Variants in AGBL1 observed in about 807,000 individuals in gnomAD.
AGBL1 encodes AGBL carboxypeptidase 1.
Under a neutral mutation model 118.9 loss-of-function variants are expected in AGBL1, and 130 were observed. The observed-to-expected ratio is 1.09, with a 90% CI of 0.95 to 1.26. The LOEUF is 1.26. Among genes scored for constraint, AGBL1 ranks in the 50% most tolerant of loss-of-function variants. The pLI, the probability that AGBL1 is intolerant of heterozygous loss-of-function variation, is 0.00. For missense variants in AGBL1, 1,584 were observed against 1,298.1 expected, an observed-to-expected ratio of 1.22 and a Z score of -3.38; for synonymous variants, 555 against 478.9, an observed-to-expected ratio of 1.16 and a Z score of -2.08.
intron 13 of AGBL1, among the ~76,000 whole-genome samples, chr15:86,268,082 T>C (rs2079101685): frequency 6.6e-6 from 1 of 152,242 alleles, no homozygotes; most frequent in East Asian, 1.9e-4. Context: ...CAGCACTTAG[T>C]CAACATCCGT....
At chr15:86,735,776 A>G (rs1191524224) in intron 22 of AGBL1, among the ~76,000 whole-genome samples, 1 of 152,150 alleles carries the variant, frequency 6.6e-6, no homozygotes, top group African/African-American at 2.4e-5. Flanking sequence ...CAAGTGTGCT[A>G]TATTTTAAAA....
chr15:86,324,450 TG>T (rs569879200), intron 17 of AGBL1, among the ~76,000 whole-genome samples: 138 of 152,338 alleles, frequency 9.1e-4, no homozygotes, highest in Non-Finnish European at 1.5e-3. Flanking sequence ...GAAGGTCCAC[TG>T]ATGTGAGGCA....
intron 22 of AGBL1, among the ~76,000 whole-genome samples, chr15:86,765,667 T>G (rs890829761): frequency 1.3e-5 from 2 of 151,996 alleles, no homozygotes; most frequent in Non-Finnish European, 2.9e-5. Flanking sequence ...TGTTGAAGTA[T>G]CTTGAGGTGA....
intron 6 of AGBL1, among the ~76,000 whole-genome samples, chr15:86,239,427 C>T (rs905137408): frequency 6.6e-6 from 1 of 152,096 alleles, no homozygotes; most frequent in Non-Finnish European, 1.5e-5. Flanking sequence ...TGCTTTTGTA[C>T]ATATCCTTAT....
intron 24 of AGBL1, among the ~76,000 whole-genome samples, chr15:86,991,548 A>G (rs1217897882): frequency 1.3e-5 from 2 of 152,208 alleles, no homozygotes; most frequent in African/African-American, 4.8e-5. Context: ...GACAAAATCC[A>G]TAAGGATGAT....
chr15:86,577,535 C>A (rs1484201787), intron 21 of AGBL1, among the ~76,000 whole-genome samples: 1 of 152,098 alleles, frequency 6.6e-6, no homozygotes, highest in Non-Finnish European at 1.5e-5. Flanking sequence ...TAACAAGGAA[C>A]CAAATGTTAA....
chr15:86,420,721 G>A (rs768198348), intron 18 of AGBL1, among the ~76,000 whole-genome samples: 1 of 152,154 alleles, frequency 6.6e-6, no homozygotes, highest in African/African-American at 2.4e-5. Flanking sequence ...CTTGAAAAAA[G>A]TTAGAGGAAT....
chr15:86,665,360 T>TG (rs10526715), intron 21 of AGBL1, among the ~76,000 whole-genome samples: 135,330 of 152,152 alleles, frequency 0.89, 60,367 homozygotes, highest in East Asian at 1. Context: ...AAGACTGCAG[T>TG]CTATCATTTT....
chr15:86,917,053 A>G (rs902543965), downstream of AGBL1, among the ~76,000 whole-genome samples: 2 of 152,238 alleles, frequency 1.3e-5, no homozygotes, highest in Non-Finnish European at 2.9e-5. The surrounding 1 kb of genome is among the most constrained non-coding windows in gnomAD (Gnocchi z 4.8). Flanking sequence ...GGGGTGGGGC[A>G]GGGAAGAATC....
intron 23 of AGBL1, among the ~76,000 whole-genome samples, chr15:86,985,795 T>C (rs896004786): frequency 2.6e-5 from 4 of 152,264 alleles, no homozygotes; most frequent in Admixed American, 2.6e-4. Flanking sequence ...ATCTAAACTG[T>C]ATTTCCATAT....
intron 21 of AGBL1, among the ~76,000 whole-genome samples, chr15:86,608,845 C>T (rs1017193094): frequency 2.0e-5 from 3 of 151,978 alleles, no homozygotes; most frequent in African/African-American, 7.2e-5. Context: ...GAGTTTGGAC[C>T]CTGTGAGCAT....
chr15:86,778,738 C>A (rs556181216), intron 22 of AGBL1, among the ~76,000 whole-genome samples: 5 of 152,240 alleles, frequency 3.3e-5, no homozygotes, highest in East Asian at 3.9e-4. Context: ...ACAATTTGTG[C>A]AGTTAACACA....
At chr15:86,820,786 T>G (rs1291038298) in intron 22 of AGBL1, among the ~76,000 whole-genome samples, 11 of 152,108 alleles carry the variant, frequency 7.2e-5, no homozygotes, top group Admixed American at 6.6e-4. Flanking sequence ...TCCTCAAGGA[T>G]CTAGAATCAG....
intron 22 of AGBL1, among the ~76,000 whole-genome samples, chr15:86,888,298 A>G (rs1286350298): frequency 6.6e-6 from 1 of 152,010 alleles, no homozygotes; most frequent in Non-Finnish European, 1.5e-5. Context: ...GGGCTACCTC[A>G]TAGAAAGAGA....
chr15:86,789,652 G>A (rs1006296671), intron 22 of AGBL1, among the ~76,000 whole-genome samples: 4 of 152,082 alleles, frequency 2.6e-5, no homozygotes, highest in African/African-American at 9.7e-5. Context: ...CATTTCAGTG[G>A]CTCTCAATCC....
At chr15:86,185,305 G>T (rs2077613206) in intron 5 of AGBL1, among the ~76,000 whole-genome samples, 1 of 152,210 alleles carries the variant, frequency 6.6e-6, no homozygotes, top group Non-Finnish European at 1.5e-5. Context: ...TACACTGTTG[G>T]TGGCACTGTA....
chr15:86,729,066 A>G (rs1007765713), intron 22 of AGBL1, among the ~76,000 whole-genome samples: 1 of 152,204 alleles, frequency 6.6e-6, no homozygotes, highest in African/African-American at 2.4e-5. Context: ...GTTAACATTT[A>G]TCTAAGCTCC....
At chr15:86,998,779 A>T (rs2081403898) in intron 24 of AGBL1, among the ~76,000 whole-genome samples, 1 of 152,136 alleles carries the variant, frequency 6.6e-6, no homozygotes, top group African/African-American at 2.4e-5. Context: ...GATGCAGAAA[A>T]AGACACTTCT....
At chr15:86,356,893 T>A (rs978353748) in intron 17 of AGBL1, among the ~76,000 whole-genome samples, 1 of 152,174 alleles carries the variant, frequency 6.6e-6, no homozygotes. Context: ...TTGTCCAACA[T>A]TACACAGTAA....
Sources: gnomAD v4.1 joint callset for allele counts (sites outside exome capture counted in the v4.1 genomes callset) on GRCh38, gnomAD v4.1.1 for gene constraint, Gnocchi (gnomAD v3.1) non-coding constraint, MANE v1.5 for transcripts, NCBI Gene and HGNC (gene_info 2026-07-23, HGNC 2026-07-21) for gene names.